Variants in SLC5A11 observed in about 807,000 individuals in gnomAD.
SLC5A11 encodes the protein solute carrier family 5 member 11, also known as sodium/myo-inositol cotransporter 2.
Under a neutral mutation model 69.8 loss-of-function variants are expected in SLC5A11, and 48 were observed. The observed-to-expected ratio is 0.69, with a 90% CI of 0.55 to 0.87. The LOEUF (loss-of-function observed/expected upper bound fraction) is 0.87. SLC5A11 is among the 40% of genes least tolerant of loss of function. SLC5A11 has a pLI of 0.00. For missense variants in SLC5A11, 784 were observed against 866.1 expected, an observed-to-expected ratio of 0.91 and a Z score of 1.19; for synonymous variants, 319 against 342.4, an observed-to-expected ratio of 0.93 and a Z score of 0.75.
At chr16:24,910,941 G>T (rs1433326224) in intron 15 of SLC5A11, among the ~76,000 whole-genome samples, 1 of 151,964 alleles carries the variant, frequency 6.6e-6, no homozygotes, top group Non-Finnish European at 1.5e-5. Flanking sequence ...GGCCGAGGTG[G>T]GTGCATCACT....
At chr16:24,908,028 G>A (rs983493984) in exon 13 of SLC5A11, 35 of 1,613,708 alleles carry the variant, frequency 2.2e-5, no homozygotes, top group Non-Finnish European at 2.8e-5. Context: ...GCCAGCCAGG[G>A]CGGCCAGCTC....
chr16:24,908,073 A>G, exon 13 of SLC5A11: 1 of 1,610,652 alleles, frequency 6.2e-7, no homozygotes. Flanking sequence ...TCCTACCTGC[A>G]GCCGCCTGTG....
rs955746028 is a variant in SLC5A11, at chr16:24,909,099, A to T, written c.1650+3A>T. The T allele has an allele frequency of 3.7e-6, 6 of 1,613,924 alleles. No homozygotes were observed. The highest frequency in any genetic ancestry group is 5.1e-6 in the Non-Finnish European group (6 of 1,179,826). Reference sequence around the variant, plus strand: ...CAGAGCCACCCTCCAAGGAGATGGTACATTTGGGCTGATGGCTAGATCCGT... The same window carrying T: ...CAGAGCCACCCTCCAAGGAGATGGTTCATTTGGGCTGATGGCTAGATCCGT... On this transcript the variant is annotated splice_donor_region_variant and intron_variant, in intron 14 of 15. Coordinates refer to ENST00000347898, the Ensembl canonical transcript of SLC5A11.
intron 9 of SLC5A11, among the ~76,000 whole-genome samples, chr16:24,893,116 C>CAAAAA (rs58331547): frequency 6.1e-5 from 6 of 99,102 alleles, no homozygotes; most frequent in African/African-American, 9.9e-5. Context: ...ACTAAAAATA[C>CAAAAA]AAAAAAAAAA....
intron 2 of SLC5A11, among the ~76,000 whole-genome samples, chr16:24,861,595 AAGGAAGGAAGGGAGGG>A (rs1201706720): frequency 1.1e-4 from 12 of 108,778 alleles, no homozygotes; most frequent in African/African-American, 3.0e-4. Flanking sequence ...AAGAGAAAGG[AAGGAAGGAAGGGAGGG>A]AGGAAGGAAG....
At chr16:24,909,306 C>A (rs1378903926) in intron 14 of SLC5A11, among the ~76,000 whole-genome samples, 2 of 152,082 alleles carry the variant, frequency 1.3e-5, no homozygotes, top group Non-Finnish European at 2.9e-5. Context: ...CATATGGAGC[C>A]CAGTATCTTC....
chr16:24,908,934 C>G (rs1354773163), exon 14 of SLC5A11: 2 of 1,613,992 alleles, frequency 1.2e-6, no homozygotes, highest in African/African-American at 2.7e-5. Context: ...TTAGGCTGGT[C>G]CTGGACTTTA....
intron 5 of SLC5A11, among the ~76,000 whole-genome samples, chr16:24,874,962 G>C (rs1044998240): frequency 6.6e-6 from 1 of 151,854 alleles, no homozygotes; most frequent in African/African-American, 2.4e-5. Flanking sequence ...AACTTGTCTA[G>C]GACTTTTGTC....
intron 7 of SLC5A11, 135 bp downstream of exon 8, chr16:24,877,498 C>T: frequency 3.3e-6 from 2 of 607,452 alleles, no homozygotes; most frequent in Non-Finnish European, 5.7e-6. Context: ...ACTCCTTTAC[C>T]CTAGATAAAA....
intron 1 of SLC5A11, among the ~76,000 whole-genome samples, chr16:24,847,486 A>C (rs944431685): frequency 1.3e-5 from 2 of 151,072 alleles, no homozygotes; most frequent in East Asian, 3.9e-4. Context: ...GAAATGTAGT[A>C]CTATCATAGC....
intron 6 of SLC5A11, 99 bp from the exon 8 acceptor site, chr16:24,877,159 A>G (rs2047728606): frequency 2.6e-6 from 4 of 1,551,696 alleles, no homozygotes; most frequent in East Asian, 2.3e-5. Context: ...GTTTGTCAGC[A>G]TCTAGGCTAG....
At chr16:24,884,165 A>G (rs1455438847) in intron 8 of SLC5A11, 34 bp downstream of exon 9, 7 of 1,593,834 alleles carry the variant, frequency 4.4e-6, no homozygotes, top group African/African-American at 4.0e-5. Context: ...GGGGCGGACA[A>G]CAGCACCTCT....
chr16:24,899,982 T>G (rs1669586453), intron 10 of SLC5A11, among the ~76,000 whole-genome samples: 1 of 152,146 alleles, frequency 6.6e-6, no homozygotes, highest in Non-Finnish European at 1.5e-5. Context: ...GGGATTACGG[T>G]GTGAGCCATT....
intron 6 of SLC5A11, among the ~76,000 whole-genome samples, chr16:24,876,298 C>G (rs2047669888): frequency 6.6e-6 from 1 of 152,072 alleles, no homozygotes. Context: ...TTGTCAACAT[C>G]TCAGGATGAT....
At position 24,888,217 on chromosome 16, in the gene SLC5A11, GA is replaced by G. The variant is rs2048515953; in HGVS notation, c.665-2648del. 2.6e-5 allele frequency among the ~76,000 whole-genome samples: 4 copies of G among 152,006 alleles called. No homozygotes were observed. In the South Asian group the frequency reaches 8.3e-4, roughly 32 times the overall value. On this transcript the variant is annotated intron_variant, in intron 8 of 15. Coordinates refer to ENST00000347898, the Ensembl canonical transcript of SLC5A11. ...ACACCCCAAAAATTAAACTCATTAGGAAAAGTGTAAATTTTTAAAAAATCTA... is the reference window on the plus strand; with the variant it reads ...ACACCCCAAAAATTAAACTCATTAGGAAAGTGTAAATTTTTAAAAAATCTA...
intron 1 of SLC5A11, among the ~76,000 whole-genome samples, chr16:24,847,792 G>A (rs1453308066): frequency 6.6e-6 from 1 of 152,200 alleles, no homozygotes; most frequent in Admixed American, 6.5e-5. Context: ...AGCGTGCAAA[G>A]GATCTATAGC....
chr16:24,871,411 C>T (rs1368141188), intron 4 of SLC5A11, among the ~76,000 whole-genome samples: 2 of 152,078 alleles, frequency 1.3e-5, no homozygotes, highest in African/African-American at 4.8e-5. Flanking sequence ...GCTGGGACCA[C>T]AGGTGCACGC....
intron 1 of SLC5A11, among the ~76,000 whole-genome samples, chr16:24,854,545 T>A (rs140075607): frequency 1.1e-4 from 16 of 152,180 alleles, no homozygotes; most frequent in Non-Finnish European, 1.9e-4. Flanking sequence ...TCTTTCTGCC[T>A]TAGCCTCCAA....
intron 5 of SLC5A11, among the ~76,000 whole-genome samples, chr16:24,873,826 A>AT (rs59598384): frequency 0.43 from 59,355 of 138,140 alleles, 13,178 homozygotes; most frequent in East Asian, 0.71. Context: ...AACTGGAGTA[A>AT]TTTTTTTTTT....
Sources: gnomAD v4.1 joint callset for allele counts (sites outside exome capture counted in the v4.1 genomes callset) on GRCh38, gnomAD v4.1.1 for gene constraint, MANE v1.5 for transcripts, NCBI Gene and HGNC (gene_info 2026-07-23, HGNC 2026-07-21) for gene names.